Variants in SETBP1 observed in about 807,000 individuals in gnomAD.
SETBP1 encodes the protein SET-binding protein.
In SETBP1, 9 loss-of-function variants were observed where a neutral mutation model predicts 101.0. The ratio of observed to expected loss-of-function variants is 0.09; its 90% CI spans 0.05 to 0.16. SETBP1 has a LOEUF of 0.16. Among genes scored for constraint, SETBP1 ranks in the 10% least tolerant of loss-of-function variants. The pLI is 1.00. For synonymous variants in SETBP1, 818 were observed against 788.5 expected, an observed-to-expected ratio of 1.04 and a Z score of -0.63; for missense variants, 1,858 against 2,033.8, an observed-to-expected ratio of 0.91 and a Z score of 1.66.
intron 2 of SETBP1, among the ~76,000 whole-genome samples, chr18:44,732,125 T>A (rs893999173): frequency 2.6e-5 from 4 of 152,222 alleles, no homozygotes; most frequent in Admixed American, 2.0e-4. Flanking sequence ...TATGCTGGAC[T>A]CTTTGCATGA....
chr18:44,959,768 A>G (rs2071570207), intron 4 of SETBP1, among the ~76,000 whole-genome samples: 1 of 152,204 alleles, frequency 6.6e-6, no homozygotes, highest in Admixed American at 6.5e-5. Context: ...GTCTTGAATG[A>G]TACAAGACAC....
At chr18:44,795,531 C>G (rs905361268) in intron 2 of SETBP1, among the ~76,000 whole-genome samples, 1 of 152,194 alleles carries the variant, frequency 6.6e-6, no homozygotes, top group African/African-American at 2.4e-5. Context: ...GGTTTCTAAA[C>G]TCATCTACTG....
intron 4 of SETBP1, among the ~76,000 whole-genome samples, chr18:44,982,905 T>G (rs1428499502): frequency 6.6e-6 from 1 of 152,180 alleles, no homozygotes; most frequent in Non-Finnish European, 1.5e-5. Flanking sequence ...ATGCTGATTT[T>G]ATAGATGGTG....
intron 3 of SETBP1, among the ~76,000 whole-genome samples, chr18:44,940,204 T>C (rs2071055073): frequency 1.3e-5 from 2 of 152,190 alleles, no homozygotes; most frequent in African/African-American, 4.8e-5. Context: ...CATTCTTATG[T>C]TTAGTGTTTG....
intron 2 of SETBP1, among the ~76,000 whole-genome samples, chr18:44,817,285 G>A (rs2071999964): frequency 6.6e-6 from 1 of 152,226 alleles, no homozygotes; most frequent in Non-Finnish European, 1.5e-5. Flanking sequence ...CAAACTGGGC[G>A]AGTGACTTTC....
At chr18:44,762,138 C>CTTTTT (rs55990761) in intron 2 of SETBP1, among the ~76,000 whole-genome samples, 1 of 149,216 alleles carries the variant, frequency 6.7e-6, no homozygotes, top group Non-Finnish European at 1.5e-5. Context: ...CTTCTAAACA[C>CTTTTT]TTTTTTTTTT....
chr18:45,061,862 C>T (rs144832272), intron 5 of SETBP1, among the ~76,000 whole-genome samples: 3 of 152,338 alleles, frequency 2.0e-5, no homozygotes, highest in East Asian at 3.9e-4. Flanking sequence ...TCCCTCTATG[C>T]GTAGGTCTTC....
chr18:45,009,634 G>T (rs904757631), intron 4 of SETBP1, among the ~76,000 whole-genome samples: 1 of 151,970 alleles, frequency 6.6e-6, no homozygotes, highest in Non-Finnish European at 1.5e-5. Context: ...ACTCAAGTCT[G>T]CATTTGTATG....
chr18:44,989,644 C>T (rs920336323), intron 4 of SETBP1, among the ~76,000 whole-genome samples: 62 of 151,342 alleles, frequency 4.1e-4, no homozygotes, highest in East Asian at 9.7e-4. Context: ...CCGAGGCGGG[C>T]GGATCACGAG....
Position 44,950,348 on chromosome 18 carries a change from G to T in SETBP1, c.1008G>T (p.Lys336Asn). 6.2e-7 allele frequency: 1 copy of T among 1,614,074 alleles called. No homozygotes were observed. Residue 336 changes from lysine to asparagine, a missense_variant, in exon 4 of 6, where the codon AAG (lysine) becomes AAT (asparagine). Lys to Asn is a moderately conservative substitution (Grantham distance 94). Around this residue, in one of 12 missense-constraint regions of SETBP1, gnomAD observed 581 missense variants for 535.1 expected, o/e 1.09. Coordinates refer to ENST00000649279, the MANE Select transcript of SETBP1 (RefSeq NM_015559.3). ...PEPPTVGSKK[K>N]SSKKDVISQT... ...CACCTACGGTGGGCAGCAAGAAAAA[G>T]TCCAGTAAAAAAGATGTGATAAGTC...
chr18:44,701,937 A>G, intron 2 of SETBP1, 105 bp downstream of exon 2: 1 of 1,351,248 alleles, frequency 7.4e-7, no homozygotes, highest in Non-Finnish European at 1.0e-6. Context: ...ACTCTAGAAC[A>G]ACGTGGGGTT....
At chr18:44,874,705 A>G (rs969365972) in intron 3 of SETBP1, among the ~76,000 whole-genome samples, 4 of 152,192 alleles carry the variant, frequency 2.6e-5, no homozygotes, top group African/African-American at 4.8e-5. Flanking sequence ...AGGAAGGCTC[A>G]GTCCTGTTCA....
At chr18:44,899,831 CT>C (rs1164808232) in intron 3 of SETBP1, among the ~76,000 whole-genome samples, 4 of 151,986 alleles carry the variant, frequency 2.6e-5, no homozygotes, top group African/African-American at 7.3e-5. Flanking sequence ...ATATTAAATG[CT>C]TTTTAAGTAT....
intron 2 of SETBP1, among the ~76,000 whole-genome samples, chr18:44,837,242 C>G (rs2072517007): frequency 6.6e-6 from 1 of 152,192 alleles, no homozygotes; most frequent in African/African-American, 2.4e-5. Context: ...GTGAACTGAG[C>G]ACAGAATAAG....
rs932582829 is a variant in SETBP1 at position 44,992,425 on chromosome 18, G to A, written c.4000+39085G>A. ...TAAAATTATGATTAAGATCAAGACT[G>A]ATAAAATTATGGCAATAATAGTTGA... On this transcript the variant is annotated intron_variant, in intron 4 of 5. Coordinates refer to ENST00000649279, the MANE Select transcript of SETBP1 (RefSeq NM_015559.3). Among the ~76,000 whole-genome samples, 3 of 151,960 alleles carry A rather than the reference G, an allele frequency of 2.0e-5. No homozygotes were observed. In the South Asian group the frequency reaches 6.2e-4, roughly 31 times the overall value.
chr18:44,769,997 C>T (rs540235531), intron 2 of SETBP1, among the ~76,000 whole-genome samples: 4 of 152,344 alleles, frequency 2.6e-5, no homozygotes, highest in African/African-American at 4.8e-5. Flanking sequence ...AAGCCCTAGG[C>T]TGTCCCTGAC....
At chr18:44,791,742 C>T (rs939970217) in intron 2 of SETBP1, among the ~76,000 whole-genome samples, 26 of 147,982 alleles carry the variant, frequency 1.8e-4, no homozygotes, top group Non-Finnish European at 3.8e-4. Flanking sequence ...AGAGAGAGAG[C>T]GAGAGAGAGC....
chr18:44,988,846 A>T (rs1472610842), intron 4 of SETBP1: 1 of 152,206 alleles, frequency 6.6e-6, no homozygotes, highest in African/African-American at 2.4e-5. Context: ...GACAGTTCTC[A>T]TATGAATAGG....
chr18:44,729,952 C>T (rs2069799569), intron 2 of SETBP1, among the ~76,000 whole-genome samples: 1 of 152,098 alleles, frequency 6.6e-6, no homozygotes, highest in Non-Finnish European at 1.5e-5. Flanking sequence ...AGATCAGAAG[C>T]CAGTGAAGAA....
Sources: allele counts gnomAD v4.1 joint callset (sites outside exome capture counted in the v4.1 genomes callset), GRCh38; gene constraint gnomAD v4.1.1; regional missense constraint gnomAD v4.1.1; transcripts MANE v1.5; gene names NCBI Gene and HGNC (gene_info 2026-07-23, HGNC 2026-07-21).